The following CUX1 variants were observed in gnomAD, a reference collection of about 807,000 sequenced individuals.
The protein encoded by CUX1 is cut like homeobox 1.
CUX1 carries 31 observed loss-of-function variants against 158.8 expected under a neutral mutation model. The ratio of observed to expected loss-of-function variants is 0.20; its 90% CI spans 0.15 to 0.26. The LOEUF (loss-of-function observed/expected upper bound fraction) is 0.26. Among genes scored for constraint, CUX1 ranks in the 10% least tolerant of loss-of-function variants. The pLI is 1.00. For missense variants in CUX1, 1,589 were observed against 2,014.6 expected, an observed-to-expected ratio of 0.79 and a Z score of 4.04; for synonymous variants, 879 against 862.1, an observed-to-expected ratio of 1.02 and a Z score of -0.34.
At chr7:101,853,417 T>C (rs1796473126) in intron 1 of CUX1, among the ~76,000 whole-genome samples, 1 of 152,238 alleles carries the variant, frequency 6.6e-6, no homozygotes, top group Admixed American at 6.5e-5. Context: ...TTTTCTCTGA[T>C]GCTTAAACCC....
chr7:102,057,212 T>C (rs1824270540), intron 3 of CUX1, among the ~76,000 whole-genome samples: 1 of 152,190 alleles, frequency 6.6e-6, no homozygotes, highest in African/African-American at 2.4e-5. Flanking sequence ...AAAGGTTCTT[T>C]TCAAAATATG....
chr7:102,262,879 A>G (rs1270678762), downstream of CUX1, among the ~76,000 whole-genome samples: 4 of 152,210 alleles, frequency 2.6e-5, no homozygotes, highest in Non-Finnish European at 4.4e-5. Flanking sequence ...GGGTTATTAC[A>G]GGGCAAACCA....
intron 2 of CUX1, among the ~76,000 whole-genome samples, chr7:101,979,336 C>T (rs1402091516): frequency 2.6e-5 from 4 of 152,170 alleles, no homozygotes; most frequent in Admixed American, 6.5e-5. Context: ...AGGAATGAAG[C>T]GTGAATTCGG....
At chr7:101,821,255 G>A (rs199630336) in intron 1 of CUX1, among the ~76,000 whole-genome samples, 15 of 146,354 alleles carry the variant, frequency 1.0e-4, no homozygotes, top group African/African-American at 2.7e-4. Flanking sequence ...ACTCCCCCCC[G>A]CCCCCAAAAA....
At chr7:102,235,606 G>A (rs1432821488) in intron 22 of CUX1, among the ~76,000 whole-genome samples, 1 of 151,754 alleles carries the variant, frequency 6.6e-6, no homozygotes, top group East Asian at 1.9e-4. Flanking sequence ...GGAGGCTGAG[G>A]CAGGAGAATC....
intron 3 of CUX1, among the ~76,000 whole-genome samples, chr7:102,061,117 T>A (rs1824823760): frequency 6.6e-6 from 1 of 151,756 alleles, no homozygotes; most frequent in Non-Finnish European, 1.5e-5. Context: ...TAGAGACAGG[T>A]TTCACCATGT....
At chr7:102,063,471 C>T (rs1251967251) in intron 3 of CUX1, among the ~76,000 whole-genome samples, 2 of 141,262 alleles carry the variant, frequency 1.4e-5, no homozygotes, top group Non-Finnish European at 3.0e-5. Flanking sequence ...TCACTGCAAG[C>T]GCGGCCTCCC....
chr7:102,091,134 AT>A (rs1828542448), intron 4 of CUX1, among the ~76,000 whole-genome samples: 1 of 152,224 alleles, frequency 6.6e-6, no homozygotes, highest in South Asian at 2.1e-4. Flanking sequence ...CACTTTTAGA[AT>A]GCTGTCACTG....
intron 10 of CUX1, among the ~76,000 whole-genome samples, chr7:102,173,790 G>A (rs3810770): frequency 1.3e-5 from 2 of 152,110 alleles, no homozygotes; most frequent in Non-Finnish European, 2.9e-5. Context: ...CTTCATCATC[G>A]GTTAAGTGCC....
chr7:101,966,628 C>T lies in CUX1; in HGVS notation c.141+50403C>T, dbSNP rs112689983. Among the ~76,000 whole-genome samples the T allele has an allele frequency of 3.5e-4, 53 of 152,118 alleles. 1 individual carries two copies. Among genetic ancestry groups the T allele is most frequent in the South Asian group, 3.3e-3 (16 of 4,824 alleles). On this transcript the variant is annotated intron_variant, in intron 2 of 23. Coordinates refer to ENST00000292535, the MANE Select transcript of CUX1 (RefSeq NM_181552.4). Reference sequence around the variant, plus strand: ...AGATGGGTGGGAATGTCCTAGGTGGCGGATGTCCCATGGTCATGTGGAGGG... The same window carrying T: ...AGATGGGTGGGAATGTCCTAGGTGGTGGATGTCCCATGGTCATGTGGAGGG...
intron 1 of CUX1, among the ~76,000 whole-genome samples, chr7:101,913,760 C>T (rs1803792617): frequency 6.6e-6 from 1 of 152,220 alleles, no homozygotes; most frequent in East Asian, 1.9e-4. Context: ...AGTAGGGACC[C>T]CCGGCCAAAA....
Position 101,964,965 on chromosome 7 carries a change from G to T in CUX1, c.141+48740G>T, listed in dbSNP as rs539985771. On this transcript the variant is annotated intron_variant, in intron 2 of 23. Transcript: ENST00000292535. ...TGAGACTTTTCTCTTTCCAACACCA[G>T]TGTGTGTGAGCGAGTGAATGAGTAG... Among the ~76,000 whole-genome samples the T allele has an allele frequency of 6.6e-5, 10 of 152,034 alleles. 1 individual carries two copies. Among genetic ancestry groups the T allele is most frequent in the African/African-American group, 2.4e-4 (10 of 41,298 alleles).
At chr7:102,024,100 C>T (rs1360149945) in intron 2 of CUX1, among the ~76,000 whole-genome samples, 4 of 152,230 alleles carry the variant, frequency 2.6e-5, no homozygotes, top group African/African-American at 9.6e-5. Context: ...GGCCCTGTGC[C>T]AGGTTGGCAG....
At position 101,970,517 on chromosome 7, in the gene CUX1, C is replaced by T. The variant is rs965737207; in HGVS notation, c.141+54292C>T. On this transcript the variant is annotated intron_variant, in intron 2 of 23. Coordinates refer to ENST00000292535, the MANE Select transcript of CUX1 (RefSeq NM_181552.4). Reference sequence around the variant, plus strand: ...CGAGGAGTGGGACATGACCTCCCCACGCCTCTGCTGAGTATCCCAGACCTT... The same window carrying T: ...CGAGGAGTGGGACATGACCTCCCCATGCCTCTGCTGAGTATCCCAGACCTT... Among the ~76,000 whole-genome samples the T allele has an allele frequency of 3.3e-5, 5 of 152,126 alleles. No homozygotes were observed. The East Asian group carries it at 7.7e-4, about 23-fold the overall frequency.
chr7:101,966,222 T>C (rs1027002263), intron 2 of CUX1, among the ~76,000 whole-genome samples: 3 of 151,830 alleles, frequency 2.0e-5, no homozygotes, highest in African/African-American at 7.3e-5. Flanking sequence ...CGCGTCACCA[T>C]GCCTGGCTAA....
At chr7:101,988,728 C>T (rs942782867) in intron 2 of CUX1, among the ~76,000 whole-genome samples, 2 of 151,916 alleles carry the variant, frequency 1.3e-5, no homozygotes, top group East Asian at 1.9e-4. Context: ...GGGCTGGGCG[C>T]GGTGGTTCAT....
intron 3 of CUX1, among the ~76,000 whole-genome samples, chr7:102,038,896 G>C (rs1033229341): frequency 6.6e-6 from 1 of 151,970 alleles, no homozygotes; most frequent in African/African-American, 2.4e-5. Context: ...TGGAGGCTTT[G>C]ATAGCAACAC....
At chr7:102,276,186 A>G (rs1458843853) in intron 17 of CUX1, among the ~76,000 whole-genome samples, 1 of 152,076 alleles carries the variant, frequency 6.6e-6, no homozygotes, top group African/African-American at 2.4e-5. Flanking sequence ...CTCTGCCTTC[A>G]ATTCTTTTGG....
At chr7:102,222,890 G>A (rs1040918913) in intron 20 of CUX1, among the ~76,000 whole-genome samples, 2 of 133,440 alleles carry the variant, frequency 1.5e-5, no homozygotes, top group African/African-American at 2.8e-5. Flanking sequence ...CACGATGTCA[G>A]CTCACTGCAA....
Sources: gnomAD v4.1 joint callset for allele counts (sites outside exome capture counted in the v4.1 genomes callset) on GRCh38, gnomAD v4.1.1 for gene constraint, MANE v1.5 for transcripts, NCBI Gene and HGNC (gene_info 2026-07-23, HGNC 2026-07-21) for gene names.